Variants in SLC2A9 observed in about 807,000 individuals in gnomAD.
The protein encoded by SLC2A9 is solute carrier family 2 member 9.
In SLC2A9, 39 loss-of-function variants were observed where a neutral mutation model predicts 50.6. That is an observed-to-expected ratio of 0.77 (90% CI 0.60 to 1.01). The LOEUF (loss-of-function observed/expected upper bound fraction) is 1.01, where lower values mean the gene tolerates loss of function less well. Ranked by LOEUF, SLC2A9 falls within the 50% of genes least tolerant of loss-of-function variation. The pLI, the probability that SLC2A9 is intolerant of heterozygous loss-of-function variation, is 0.00. For synonymous variants in SLC2A9, 324 were observed against 276.9 expected, an observed-to-expected ratio of 1.17 and a Z score of -1.69; for missense variants, 686 against 677.6, an observed-to-expected ratio of 1.01 and a Z score of -0.14.
At position 9,980,636 on chromosome 4, in the gene SLC2A9, C is replaced by T. The variant is rs767527052; in HGVS notation, c.637G>A (p.Val213Met). ...QVTAIFICIG[V>M]FTGQLLGLPE... ...AGGCCCAGAAGCTGCCCAGTGAACA[C>T]GCCAATGCAGATAAAGATGGCAGTC... The change falls in exon 5 of 12, where the codon GTG becomes ATG. Residue 213 changes from valine to methionine, a missense_variant. By Grantham distance (21) the Val-to-Met change is conservative. Transcript: ENST00000264784. The T allele has an allele frequency of 1.1e-5, 18 of 1,614,082 alleles. No individual in the cohort carries two copies. Among genetic ancestry groups the T allele is most frequent in the Non-Finnish European group, 1.4e-5 (16 of 1,180,048 alleles).
chr4:9,837,427 C>T (rs1317027318), intron 10 of SLC2A9, among the ~76,000 whole-genome samples: 1 of 152,208 alleles, frequency 6.6e-6, no homozygotes, highest in African/African-American at 2.4e-5. Flanking sequence ...CACAGCAATT[C>T]TGAAGCCTGA....
At chr4:9,962,844 G>C (rs1752488525) in intron 5 of SLC2A9, among the ~76,000 whole-genome samples, 1 of 152,162 alleles carries the variant, frequency 6.6e-6, no homozygotes, top group Non-Finnish European at 1.5e-5. Context: ...GTCACCTCTG[G>C]CACTCTTATT....
At chr4:9,806,022 G>T (rs1722074371) in intron 3 of SLC2A9, among the ~76,000 whole-genome samples, 1 of 152,200 alleles carries the variant, frequency 6.6e-6, no homozygotes, top group African/African-American at 2.4e-5. Flanking sequence ...TCCAGGGATT[G>T]CTCTTCTGTG....
At chr4:9,998,734 C>T (rs1027054087) in intron 2 of SLC2A9, among the ~76,000 whole-genome samples, 5 of 152,094 alleles carry the variant, frequency 3.3e-5, no homozygotes, top group South Asian at 2.1e-4. Context: ...TAACTCCAGA[C>T]GAGAAACAGC....
chr4:9,991,771 C>T (rs1277044357), intron 3 of SLC2A9, among the ~76,000 whole-genome samples: 11 of 152,170 alleles, frequency 7.2e-5, no homozygotes, highest in Admixed American at 7.2e-4. Context: ...AGCGAGAAAG[C>T]AGCCATCTGC....
At chr4:9,879,029 A>C in intron 10 of SLC2A9, 3 of 985,266 alleles carry the variant, frequency 3.0e-6, no homozygotes, top group Non-Finnish European at 3.6e-6. Flanking sequence ...TTCATGAAAA[A>C]TACAAGCATT....
At chr4:9,782,367 G>C (rs765682568) in intron 3 of SLC2A9, 1 of 1,614,032 alleles carries the variant, frequency 6.2e-7, no homozygotes, top group Non-Finnish European at 8.5e-7. Context: ...GGAGCGTTCT[G>C]CGACGTCTGG....
At chr4:9,997,481 C>T (rs1484807655) in intron 2 of SLC2A9, among the ~76,000 whole-genome samples, 1 of 152,162 alleles carries the variant, frequency 6.6e-6, no homozygotes, top group East Asian at 1.9e-4. Flanking sequence ...GGGTGGGTCA[C>T]TTGAGGCCAG....
At chr4:9,970,790 GC>G (rs1459668746) in intron 5 of SLC2A9, among the ~76,000 whole-genome samples, 5 of 152,176 alleles carry the variant, frequency 3.3e-5, no homozygotes, top group Non-Finnish European at 7.4e-5. Flanking sequence ...AAGGCAGGCA[GC>G]CCAGCGCCAG....
chr4:9,805,816 C>T (rs1009838357), intron 3 of SLC2A9, among the ~76,000 whole-genome samples: 2 of 151,178 alleles, frequency 1.3e-5, no homozygotes, highest in South Asian at 4.2e-4. Context: ...TTATTGTGTG[C>T]TTATTAAGTG....
intron 6 of SLC2A9, among the ~76,000 whole-genome samples, chr4:9,931,332 C>T (rs370058138): frequency 8.5e-5 from 13 of 152,164 alleles, no homozygotes; most frequent in African/African-American, 3.1e-4. Context: ...AATTGCATTT[C>T]CCAACTGGGA....
At chr4:9,989,634 C>T (rs1757334644) in intron 3 of SLC2A9, among the ~76,000 whole-genome samples, 2 of 152,090 alleles carry the variant, frequency 1.3e-5, no homozygotes, top group African/African-American at 2.4e-5. Context: ...CCCAACCAGG[C>T]TCTGAGACCC....
upstream of SLC2A9, among the ~76,000 whole-genome samples, chr4:10,024,133 T>A (rs1763676278): frequency 6.6e-6 from 1 of 152,072 alleles, no homozygotes; most frequent in African/African-American, 2.4e-5. Context: ...TCTCGCCACC[T>A]CCTCCCAGCA....
chr4:9,819,002 G>A lies in SLC2A9; in HGVS notation n.420+7418C>T, dbSNP rs1007509803. On this transcript the variant is annotated intron_variant and non_coding_transcript_variant, in intron 3 of 3. Transcript: ENST00000503280. The stretch of plus-strand genomic sequence containing the variant: ...CCAGGTGTGGTGGCAGGTGCCTGTA[G>A]TCCCAGCAACTCGGGAGACTGAGGC... Among the ~76,000 whole-genome samples, 9 of 151,296 alleles carry A rather than the reference G, an allele frequency of 5.9e-5. No individual in the cohort carries two copies. In the South Asian group the frequency reaches 1.5e-3, roughly 25 times the overall value.
At chr4:9,913,326 T>A (rs1224275026) in intron 7 of SLC2A9, among the ~76,000 whole-genome samples, 4 of 129,770 alleles carry the variant, frequency 3.1e-5, no homozygotes, top group African/African-American at 1.3e-4. Flanking sequence ...TGTGTGTGTG[T>A]GTGTGAGAGA....
chr4:9,834,629 T>A (rs1206724624), intron 11 of SLC2A9, among the ~76,000 whole-genome samples: 2 of 152,164 alleles, frequency 1.3e-5, no homozygotes, highest in African/African-American at 4.8e-5. Flanking sequence ...CTAGGAGTCC[T>A]TGCATACCGT....
chr4:9,820,384 G>A (rs1387374958), intron 3 of SLC2A9, among the ~76,000 whole-genome samples: 2 of 152,064 alleles, frequency 1.3e-5, no homozygotes, highest in African/African-American at 4.8e-5. Flanking sequence ...TCTTAAAATC[G>A]GGTAGTATGA....
At chr4:9,923,596 A>G (rs2110105414) in intron 6 of SLC2A9, among the ~76,000 whole-genome samples, 1 of 152,240 alleles carries the variant, frequency 6.6e-6, no homozygotes, top group South Asian at 2.1e-4. Flanking sequence ...TTGTGCCCAG[A>G]GAGAGAAAGA....
At chr4:9,798,494 C>A (rs1404312798), downstream of SLC2A9, among the ~76,000 whole-genome samples, 2 of 152,136 alleles carry the variant, frequency 1.3e-5, no homozygotes, top group Non-Finnish European at 2.9e-5. Flanking sequence ...TTTCTCCACA[C>A]CCCCAACTTC....
Sources: gnomAD v4.1 joint callset for allele counts (sites outside exome capture counted in the v4.1 genomes callset) on GRCh38, gnomAD v4.1.1 for gene constraint, MANE v1.5 for transcripts, NCBI Gene and HGNC (gene_info 2026-07-23, HGNC 2026-07-21) for gene names.